BCL2L1: variants seen among roughly 807,000 people sequenced by gnomAD.
BCL2L1 encodes BCL2 like 1.
In BCL2L1, 1 loss-of-function variant was observed where a neutral mutation model predicts 18.7. The ratio of observed to expected loss-of-function variants is 0.05; its 90% CI spans 0.02 to 0.25. The LOEUF (loss-of-function observed/expected upper bound fraction) is 0.25. Ranked by LOEUF, BCL2L1 falls within the 10% of genes least tolerant of loss-of-function variation. The probability of loss-of-function intolerance (pLI) is 1.00; values close to 1 mark genes in which losing one functional copy is unlikely to be tolerated. For synonymous variants in BCL2L1, 103 were observed against 122.7 expected (o/e 0.84, Z 1.06); for missense variants, 207 against 304.9 (o/e 0.68, Z 2.39).
At position 31,668,479 on chromosome 20, in the gene BCL2L1, A is replaced by G. The variant is rs190970851; in HGVS notation, c.565-2393T>C. ...GTGCCACCATGCCCAGCTAATTTTTATATTTTTAGTAGAGATAAGGTTTTG... is the reference window on the plus strand; with the variant it reads ...GTGCCACCATGCCCAGCTAATTTTTGTATTTTTAGTAGAGATAAGGTTTTG... On this transcript the variant is annotated intron_variant, in intron 2 of 2. Coordinates refer to ENST00000307677, the MANE Select transcript of BCL2L1 (RefSeq NM_138578.3). Among the ~76,000 whole-genome samples, 78 of 148,314 alleles carry G rather than the reference A, an allele frequency of 5.3e-4. No individual in the cohort carries two copies. The East Asian group carries it at 0.013, about 25-fold the overall frequency.
chr20:31,678,662 G>C (rs1245075232), intron 2 of BCL2L1, among the ~76,000 whole-genome samples: 2 of 152,152 alleles, frequency 1.3e-5, no homozygotes, highest in Admixed American at 1.3e-4. Context: ...AGGATTCCAG[G>C]GGAAGAGAGC....
intron 2 of BCL2L1, among the ~76,000 whole-genome samples, chr20:31,712,419 A>C (rs6060857): frequency 1.3e-5 from 2 of 152,066 alleles, no homozygotes; most frequent in Non-Finnish European, 2.9e-5. Flanking sequence ...CTATTAATAC[A>C]TGTAAAGCAC....
chr20:31,710,676 G>C (rs2061441152), intron 2 of BCL2L1, among the ~76,000 whole-genome samples: 1 of 152,188 alleles, frequency 6.6e-6, no homozygotes, highest in African/African-American at 2.4e-5. Context: ...AGAGGCCCAG[G>C]GCCCAGCAAT....
intron 2 of BCL2L1, among the ~76,000 whole-genome samples, chr20:31,712,216 A>T (rs993104220): frequency 5.9e-5 from 9 of 152,210 alleles, no homozygotes; most frequent in Non-Finnish European, 1.2e-4. Context: ...AGTCACCTAG[A>T]CAATAGCGCA....
chr20:31,700,131 A>G (rs1600864104), intron 2 of BCL2L1, among the ~76,000 whole-genome samples: 2 of 152,214 alleles, frequency 1.3e-5, no homozygotes, highest in Non-Finnish European at 2.9e-5. Flanking sequence ...TAAGAGTTCT[A>G]CAAGAGCAAT....
At chr20:31,696,009 G>A (rs550890434) in intron 2 of BCL2L1, among the ~76,000 whole-genome samples, 2 of 152,142 alleles carry the variant, frequency 1.3e-5, no homozygotes, top group East Asian at 3.9e-4. Context: ...CGAACTCCTG[G>A]GCTCAAGCAA....
chr20:31,709,827 C>A, intron 2 of BCL2L1, among the ~76,000 whole-genome samples: 2 of 110,224 alleles, frequency 1.8e-5, no homozygotes, highest in African/African-American at 7.2e-5. Context: ...TGAGCAAGAG[C>A]AAGACTCCAT....
chr20:31,675,576 G>A lies in BCL2L1; in HGVS notation c.565-9490C>T, dbSNP rs3787365. Among the ~76,000 whole-genome samples the A allele has an allele frequency of 1.7e-4, 26 of 152,312 alleles. No individual in the cohort carries two copies. In the East Asian group the frequency reaches 4.6e-3, roughly 27 times the overall value. ...GGGGAGCTGTTGGCTCCCGAGATGT[G>A]AGAAGAACATGGCCTTTCTCCTCTC... On this transcript the variant is annotated intron_variant, in intron 2 of 2. Transcript: ENST00000307677.
intron 2 of BCL2L1, among the ~76,000 whole-genome samples, chr20:31,671,700 A>G (rs2060670470): frequency 6.6e-6 from 1 of 151,970 alleles, no homozygotes; most frequent in Admixed American, 6.6e-5. Flanking sequence ...GATCACCTCC[A>G]ATGGCGTGAA....
intron 2 of BCL2L1, among the ~76,000 whole-genome samples, chr20:31,666,947 G>A (rs1349375336): frequency 6.6e-6 from 1 of 152,192 alleles, no homozygotes; most frequent in African/African-American, 2.4e-5. Flanking sequence ...GTGGGGCAGG[G>A]AGAAGGACGC....
chr20:31,691,756 A>G (rs2061079260), intron 2 of BCL2L1, among the ~76,000 whole-genome samples: 2 of 152,198 alleles, frequency 1.3e-5, no homozygotes, highest in Non-Finnish European at 2.9e-5. Flanking sequence ...GGACTTGAAC[A>G]TTTTACAAAG....
chr20:31,714,507 TAAG>T (rs1179343183), intron 2 of BCL2L1, among the ~76,000 whole-genome samples: 4 of 152,150 alleles, frequency 2.6e-5, no homozygotes, highest in Non-Finnish European at 5.9e-5. Context: ...GGAAAGATAA[TAAG>T]AATAATGATA....
intron 2 of BCL2L1, among the ~76,000 whole-genome samples, chr20:31,718,009 G>A (rs1414117730): frequency 6.6e-6 from 1 of 152,204 alleles, no homozygotes; most frequent in Non-Finnish European, 1.5e-5. Context: ...GAAACTCTAG[G>A]GGGAAGAGTC....
At chr20:31,688,800 G>C (rs1173595262) in intron 2 of BCL2L1, among the ~76,000 whole-genome samples, 3 of 152,222 alleles carry the variant, frequency 2.0e-5, no homozygotes, top group Non-Finnish European at 2.9e-5. Context: ...TTAAAGTATA[G>C]AATAGTGCCC....
chr20:31,714,818 T>C (rs1406823371), intron 2 of BCL2L1, among the ~76,000 whole-genome samples: 4 of 152,198 alleles, frequency 2.6e-5, no homozygotes, highest in African/African-American at 9.6e-5. Flanking sequence ...TTGAAAAATA[T>C]GGTTTCCAGG....
upstream of BCL2L1, chr20:31,723,218 G>T: frequency 2.1e-6 from 2 of 935,322 alleles, no homozygotes; most frequent in Non-Finnish European, 2.5e-6. Context: ...CCGCTGGTTT[G>T]CTCTGAATTC....
chr20:31,682,483 T>C (rs980707954), intron 2 of BCL2L1, among the ~76,000 whole-genome samples: 2 of 152,342 alleles, frequency 1.3e-5, no homozygotes, highest in Admixed American at 6.5e-5. Context: ...TCTCACTCTG[T>C]TGCCCAGGCT....
upstream of BCL2L1, chr20:31,723,471 C>T (rs1258303662): frequency 1.0e-6 from 1 of 985,318 alleles, no homozygotes; most frequent in Middle Eastern, 5.2e-4. Context: ...GGGGCTGCAC[C>T]TCTCCGGAGC....
intron 2 of BCL2L1, among the ~76,000 whole-genome samples, chr20:31,673,886 G>T (rs150749063): frequency 1.3e-5 from 2 of 152,210 alleles, no homozygotes; most frequent in East Asian, 3.9e-4. Flanking sequence ...TCTAGAACCT[G>T]GTGTGCTATA....
Sources: allele counts gnomAD v4.1 joint callset (sites outside exome capture counted in the v4.1 genomes callset), GRCh38; gene constraint gnomAD v4.1.1; transcripts MANE v1.5; gene names NCBI Gene and HGNC (gene_info 2026-07-23, HGNC 2026-07-21).